Variants in DLGAP2 observed in about 807,000 individuals in gnomAD.
The protein encoded by DLGAP2 is disks large-associated protein 2.
In DLGAP2, 26 loss-of-function variants were observed where a neutral mutation model predicts 100.3. The observed-to-expected ratio is 0.26, with a 90% confidence interval of 0.19 to 0.36. DLGAP2 has a LOEUF of 0.36. DLGAP2 is among the 10% of genes least tolerant of loss of function. The pLI is 1.00. For missense variants in DLGAP2, 1,858 were observed against 1,453.2 expected (o/e 1.28, Z -4.53); for synonymous variants, 886 against 630.1 (o/e 1.41, Z -6.08).
At chr8:813,603 G>A (rs1379007995) in intron 1 of DLGAP2, among the ~76,000 whole-genome samples, 1 of 152,190 alleles carries the variant, frequency 6.6e-6, no homozygotes, top group African/African-American at 2.4e-5. Flanking sequence ...ATTATACAGT[G>A]TGTTTTAAAG....
At chr8:1,349,599 CCT>C in intron 3 of DLGAP2, among the ~76,000 whole-genome samples, 2 of 141,270 alleles carry the variant, frequency 1.4e-5, no homozygotes, top group African/African-American at 2.7e-5. Flanking sequence ...TCATGAGCCT[CCT>C]GCCCACATCC....
chr8:1,282,410 C>T (rs1302261053), intron 3 of DLGAP2, among the ~76,000 whole-genome samples: 2 of 138,564 alleles, frequency 1.4e-5, no homozygotes, highest in East Asian at 2.4e-4. Context: ...GTGACCTGAA[C>T]CCAGCGCCCT....
rs9773633 is a variant in DLGAP2 at position 1,374,230 on chromosome 8, C to G, written c.106+115347C>G. On this transcript the variant is annotated intron_variant, in intron 3 of 14. Coordinates refer to ENST00000637795, the MANE Select transcript of DLGAP2 (RefSeq NM_001346810.2). ...CAGAAGGCTGTGGTGGAGGGTAGGT[C>G]ACGTTTGTAGAGGGCTGTGTAATGG... 8.2e-3 allele frequency among the ~76,000 whole-genome samples: 1,218 copies of G among 149,152 alleles called. 18 individuals are homozygous for G. Among genetic ancestry groups the G allele is most frequent in the African/African-American group, 0.029 (1,150 of 39,356 alleles).
chr8:908,533 T>C (rs749428987), intron 2 of DLGAP2, among the ~76,000 whole-genome samples: 4 of 152,128 alleles, frequency 2.6e-5, no homozygotes, highest in South Asian at 2.1e-4. Flanking sequence ...TGTGAGGAAG[T>C]GTTTTGCCTG....
At chr8:1,337,200 TG>T (rs1473693314) in intron 3 of DLGAP2, among the ~76,000 whole-genome samples, 17 of 67,426 alleles carry the variant, frequency 2.5e-4, no homozygotes, top group African/African-American at 2.1e-3. Flanking sequence ...AGAATGATGG[TG>T]ATGATGGTGA....
chr8:1,569,609 T>A lies in DLGAP2; in HGVS notation c.1442+3715T>A, dbSNP rs567509468. ...TTTTATGGATTCCAACGTAATTCAT[T>A]TATTTCCATTTTAGATGACATTGCT... is the stretch of plus-strand genomic sequence containing the variant. On this transcript the variant is annotated intron_variant, in intron 6 of 14. Coordinates refer to ENST00000637795, the MANE Select transcript of DLGAP2 (RefSeq NM_001346810.2). 3.9e-5 allele frequency among the ~76,000 whole-genome samples: 6 copies of A among 152,396 alleles called. No individual in the cohort carries two copies. The South Asian group carries it at 1.0e-3, about 26-fold the overall frequency.
intron 3 of DLGAP2, among the ~76,000 whole-genome samples, chr8:1,436,532 G>T (rs916970939): frequency 6.6e-6 from 1 of 152,112 alleles, no homozygotes; most frequent in Non-Finnish European, 1.5e-5. Flanking sequence ...GACAACCCAG[G>T]ACAATACTTT....
intron 1 of DLGAP2, among the ~76,000 whole-genome samples, chr8:848,287 A>G (rs1797108817): frequency 1.3e-5 from 2 of 151,840 alleles, no homozygotes; most frequent in Non-Finnish European, 2.9e-5. Flanking sequence ...TGTGTGTTCC[A>G]ATATAGAAAC....
intron 3 of DLGAP2, among the ~76,000 whole-genome samples, chr8:1,357,585 C>G (rs918500648): frequency 6.6e-6 from 1 of 152,098 alleles, no homozygotes; most frequent in Non-Finnish European, 1.5e-5. Context: ...AGAAAATATT[C>G]TTACAGTTCC....
At chr8:1,227,491 C>A (rs1329425691) in intron 2 of DLGAP2, among the ~76,000 whole-genome samples, 1 of 148,892 alleles carries the variant, frequency 6.7e-6, no homozygotes, top group Non-Finnish European at 1.5e-5. Flanking sequence ...AGATTTGCTT[C>A]TTTTCTTTTC....
intron 2 of DLGAP2, among the ~76,000 whole-genome samples, chr8:1,214,552 G>A (rs1798173614): frequency 6.6e-6 from 1 of 152,230 alleles, no homozygotes; most frequent in Non-Finnish European, 1.5e-5. Flanking sequence ...TCCCAGGAGT[G>A]GAGTAACCTT....
At chr8:1,249,920 A>G (rs1271367709) in intron 2 of DLGAP2, among the ~76,000 whole-genome samples, 1 of 152,090 alleles carries the variant, frequency 6.6e-6, no homozygotes, top group Non-Finnish European at 1.5e-5. Context: ...TTGCTCTGTC[A>G]CCCAGGCTGG....
At chr8:1,662,654 C>G (rs73672911) in intron 8 of DLGAP2, among the ~76,000 whole-genome samples, 15,965 of 152,264 alleles carry the variant, frequency 0.1, 1,013 homozygotes, top group Middle Eastern at 0.22. Flanking sequence ...TTCAGACTTC[C>G]ACCTTCTCTT....
intron 2 of DLGAP2, among the ~76,000 whole-genome samples, chr8:934,397 C>A (rs1041287272): frequency 6.6e-6 from 1 of 152,196 alleles, no homozygotes. Context: ...ACACCTGGCT[C>A]TTTGTTTTCA....
At chr8:1,075,056 G>T (rs1253072341) in intron 2 of DLGAP2, among the ~76,000 whole-genome samples, 1 of 152,160 alleles carries the variant, frequency 6.6e-6, no homozygotes, top group Non-Finnish European at 1.5e-5. Flanking sequence ...CAGTGCAGCG[G>T]GGGGTGGGGA....
intron 2 of DLGAP2, among the ~76,000 whole-genome samples, chr8:1,243,317 C>T (rs957127518): frequency 6.6e-6 from 1 of 152,124 alleles, no homozygotes; most frequent in Non-Finnish European, 1.5e-5. Flanking sequence ...CAGCTCTGCT[C>T]TGCGAGGTCT....
At chr8:1,627,863 T>C (rs1160623133) in intron 7 of DLGAP2, among the ~76,000 whole-genome samples, 2 of 151,772 alleles carry the variant, frequency 1.3e-5, no homozygotes, top group South Asian at 4.2e-4. Flanking sequence ...CCTCACATTC[T>C]GTCTGACTTA....
chr8:1,205,978 C>A (rs545179461), intron 2 of DLGAP2, among the ~76,000 whole-genome samples: 9 of 152,246 alleles, frequency 5.9e-5, no homozygotes, highest in African/African-American at 2.2e-4. Context: ...TGTAGAAAGA[C>A]CTCATCTCAA....
chr8:835,583 G>C (rs1796857747), intron 1 of DLGAP2, among the ~76,000 whole-genome samples: 1 of 151,908 alleles, frequency 6.6e-6, no homozygotes, highest in Non-Finnish European at 1.5e-5. Flanking sequence ...TTCGTTTGTG[G>C]CTGGCCCTGC....
Sources: gnomAD v4.1 joint callset for allele counts (sites outside exome capture counted in the v4.1 genomes callset) on GRCh38, gnomAD v4.1.1 for gene constraint, MANE v1.5 for transcripts, NCBI Gene and HGNC (gene_info 2026-07-23, HGNC 2026-07-21) for gene names.